Variants in SPAG5 observed in about 807,000 individuals in gnomAD.
SPAG5 encodes the protein sperm-associated antigen 5.
Under a neutral mutation model 145.4 loss-of-function variants are expected in SPAG5, and 99 were observed. The ratio of observed to expected loss-of-function variants is 0.68; its 90% CI spans 0.58 to 0.80. SPAG5 has a LOEUF of 0.80. Ranked by LOEUF, SPAG5 falls within the 30% of genes least tolerant of loss-of-function variation. The pLI, the probability that SPAG5 is intolerant of heterozygous loss-of-function variation, is 0.00. For missense variants in SPAG5, 1,192 were observed against 1,416.0 expected (o/e 0.84, Z 2.54); for synonymous variants, 477 against 525.4 (o/e 0.91, Z 1.26).
At chr17:28,584,045 G>C in intron 13 of SPAG5, 59 bp from the exon 14 acceptor site, 1 of 1,610,332 alleles carries the variant, frequency 6.2e-7, no homozygotes, top group Non-Finnish European at 8.5e-7. Flanking sequence ...CCTGGGTACA[G>C]AGGCTTTTTC....
intron 2 of SPAG5, among the ~76,000 whole-genome samples, chr17:28,596,184 A>G (rs1461050257): frequency 6.6e-6 from 1 of 152,114 alleles, no homozygotes. Flanking sequence ...CAGCCTGGGC[A>G]ACAGAGTGAG....
intron 2 of SPAG5, among the ~76,000 whole-genome samples, chr17:28,595,056 G>A (rs1411257382): frequency 1.3e-5 from 2 of 151,526 alleles, no homozygotes; most frequent in Non-Finnish European, 1.5e-5. Flanking sequence ...TCAGGAGTTC[G>A]AGTGCAGCTG....
At position 28,579,144 on chromosome 17, in the gene SPAG5, G is replaced by A. The variant is rs1211317696; in HGVS notation, c.3114C>T (p.Tyr1038=). 10 of 1,612,668 alleles carry A rather than the reference G, an allele frequency of 6.2e-6. No homozygotes were observed. In the East Asian group the frequency reaches 2.0e-4, roughly 32 times the overall value. Residue 1038 remains tyrosine, a synonymous_variant, in exon 19 of 24, where the codon TAC becomes TAT. Transcript: ENST00000321765. ...CACTTCTAGGTCCCTCCTTCACCTTGTAGCGCAAGCACAAGGCCTGGTTCA... is the reference window on the plus strand; with the variant it reads ...CACTTCTAGGTCCCTCCTTCACCTTATAGCGCAAGCACAAGGCCTGGTTCA... ...EKLNQALCLR[Y]KNEKELQEVI... is the part of the protein sequence containing the mutation.
rs760625781 is a variant in SPAG5, at chr17:28,580,106, G to A, written c.2700C>T (p.Thr900=). ...GAGGACAGGCTGTACTCAGCAGAAG[G>A]GTCTCTTGTTCAGTCTAAGGGCAAA... ...TKLKEKTEQE[T]LLLSTACPPT... is the part of the protein sequence containing the mutation. The change falls in exon 16 of 24, where the codon ACC becomes ACT. Residue 900 remains threonine, a synonymous_variant. Transcript: ENST00000321765. 10 of 1,613,364 alleles carry A rather than the reference G, an allele frequency of 6.2e-6. No individual in the cohort carries two copies. In the South Asian group the frequency reaches 9.9e-5, roughly 16 times the overall value.
Position 28,592,020 on chromosome 17 carries a change from G to T in SPAG5, c.1224C>A (p.Thr408=). 6.2e-7 allele frequency: 1 copy of T among 1,614,180 alleles called. No individual in the cohort carries two copies. Among genetic ancestry groups the T allele is most frequent in the Non-Finnish European group, 8.5e-7 (1 of 1,180,020 alleles). The change falls in exon 3 of 24, where the codon ACC becomes ACA. Residue 408 remains threonine (T), a synonymous_variant. Coordinates refer to ENST00000321765, the MANE Select transcript of SPAG5 (RefSeq NM_006461.4). ...GCTCTGTCTCAGAAGTACTGTGCTT[G>T]GTGCCAACCAGGCCTGTCTGGGATG... ...TNTSQTGLVG[T]KHSTSETEQL... is the part of the protein sequence containing the mutation.
intron 2 of SPAG5, among the ~76,000 whole-genome samples, chr17:28,595,132 C>A (rs886397071): frequency 6.6e-6 from 1 of 151,846 alleles, no homozygotes; most frequent in African/African-American, 2.4e-5. Context: ...GTGGCGGGTG[C>A]CTGTAGTCCC....
At chr17:28,583,675 C>A in intron 14 of SPAG5, 26 bp from the exon 15 acceptor site, 1 of 1,577,090 alleles carries the variant, frequency 6.3e-7, no homozygotes, top group African/African-American at 1.4e-5. Context: ...GGGAAGATGA[C>A]CAAAGACCAA....
chr17:28,578,830 G>A (rs2070527736), intron 19 of SPAG5, 78 bp from the exon 20 acceptor site: 4 of 1,192,486 alleles, frequency 3.4e-6, no homozygotes, highest in East Asian at 2.3e-5. Flanking sequence ...AGGAGAGAGT[G>A]CCTGACCCAT....
chr17:28,583,482 A>G, intron 15 of SPAG5, 29 bp downstream of exon 15: 1 of 1,544,106 alleles, frequency 6.5e-7, no homozygotes, highest in Non-Finnish European at 8.7e-7. Flanking sequence ...TACAATTGGA[A>G]GAGAAGAGAA....
At chr17:28,590,918 T>C (rs2070617217) in intron 4 of SPAG5, among the ~76,000 whole-genome samples, 1 of 149,356 alleles carries the variant, frequency 6.7e-6, no homozygotes, top group Non-Finnish European at 1.5e-5. Context: ...GGATTGCTTG[T>C]AACACAAAGG....
rs1053839637 is a variant in SPAG5, at chr17:28,585,119, T to C, written c.2050A>G (p.Ile684Val). ...QQALQERDVA[I>V]EEKQEVSRVL... The stretch of plus-strand genomic sequence containing the variant: ...GTTTGTACCTCCTGCTTTTCCTCAA[T>C]TGCCACATCACGTTCCTGCAGGGCT... The change falls in exon 10 of 24, where the codon ATT becomes GTT. Residue 684 changes from isoleucine to valine, a missense_variant. This residue lies in a region of SPAG5 where 709 missense variants were observed against 840.7 expected (regional missense o/e 0.84). Transcript: ENST00000321765. 3.1e-6 allele frequency: 5 copies of C among 1,614,172 alleles called. No homozygotes were observed. Among genetic ancestry groups the C allele is most frequent in the African/African-American group, 1.3e-5 (1 of 75,062 alleles).
rs1349954668 is a variant in SPAG5, at chr17:28,583,702, G to A, written c.2547-53C>T. The A allele has an allele frequency of 1.3e-5, 21 of 1,558,370 alleles. 1 individual carries two copies. The highest frequency in any genetic ancestry group is 3.5e-4 in the Middle Eastern group (2 of 5,752). On this transcript the variant is annotated intron_variant, in intron 14 of 23. Coordinates refer to ENST00000321765, the MANE Select transcript of SPAG5 (RefSeq NM_006461.4). ...AAAGACCAAATTACCTTCTCTGAAC[G>A]CCTATCCCAAATCCCCACAGAGCTG...
chr17:28,595,323 T>G (rs750127290), intron 2 of SPAG5, among the ~76,000 whole-genome samples: 37 of 149,278 alleles, frequency 2.5e-4, no homozygotes, highest in Non-Finnish European at 3.9e-4. Flanking sequence ...ATATACAAAA[T>G]AGACACACAT....
Position 28,585,592 on chromosome 17 carries a change from T to C in SPAG5, c.1802A>G (p.Gln601Arg), listed in dbSNP as rs141368516. Reference sequence around the variant, plus strand: ...GAATTCCCGCATGGATGCTAGGTCCTGTTCCAGCTGGCTGATGCGCTGGCT... The same window carrying C: ...GAATTCCCGCATGGATGCTAGGTCCCGTTCCAGCTGGCTGATGCGCTGGCT... ...HASQRISQLE[Q>R]DLASMREFRG... Residue 601 changes from glutamine (Q) to arginine (R), a missense_variant, in exon 8 of 24, where the codon CAG becomes CGG. Gln to Arg is a conservative substitution (Grantham distance 43). Coordinates refer to ENST00000321765, the MANE Select transcript of SPAG5 (RefSeq NM_006461.4). The C allele has an allele frequency of 3.7e-6, 6 of 1,614,060 alleles. No individual in the cohort carries two copies. The highest frequency in any genetic ancestry group is 2.7e-5 in the African/African-American group (2 of 74,940).
intron 17 of SPAG5, 34 bp downstream of exon 17, chr17:28,579,717 G>A (rs2070537492): frequency 6.3e-7 from 1 of 1,597,998 alleles, no homozygotes; most frequent in African/African-American, 1.3e-5. Context: ...AGATTTTCTA[G>A]AAATGAGGCA....
intron 2 of SPAG5, among the ~76,000 whole-genome samples, chr17:28,597,391 C>G (rs983842866): frequency 6.6e-6 from 1 of 152,240 alleles, no homozygotes; most frequent in Non-Finnish European, 1.5e-5. Flanking sequence ...GCACTCCAGC[C>G]TGGGTGACAG....
chr17:28,598,805 C>A, intron 1 of SPAG5, 91 bp downstream of exon 1: 1 of 1,548,970 alleles, frequency 6.5e-7, no homozygotes, highest in African/African-American at 1.4e-5. Flanking sequence ...CAACCCCGGG[C>A]TCGACCCAAC....
At position 28,585,982 on chromosome 17, in the gene SPAG5, GT is replaced by G. The variant is rs1380827948; in HGVS notation, c.1621del (p.Thr541HisfsTer10). ...TVSQESRRAE[T>X]LVCCCFDLLK... The stretch of plus-strand genomic sequence containing the variant: ...CAAATCAAAACAGCAACAGACCAAT[GT>G]TTCTGCACGCCGAGACTATATGGTA... On this transcript the variant is annotated frameshift_variant, in exon 7 of 24. Transcript: ENST00000321765. LOFTEE classifies it high-confidence loss of function. 1.2e-6 allele frequency: 2 copies of G among 1,614,092 alleles called. No individual in the cohort carries two copies. Among genetic ancestry groups the G allele is most frequent in the African/African-American group, 2.7e-5 (2 of 74,932 alleles).
intron 4 of SPAG5, among the ~76,000 whole-genome samples, chr17:28,589,339 T>C (rs1209872098): frequency 2.0e-5 from 3 of 152,070 alleles, no homozygotes; most frequent in Non-Finnish European, 2.9e-5. Flanking sequence ...CCTCAGGTGA[T>C]CCTCCCGCCT....
Sources: gnomAD v4.1 joint callset for allele counts (sites outside exome capture counted in the v4.1 genomes callset) on GRCh38, gnomAD v4.1.1 for gene constraint, gnomAD v4.1.1 regional missense constraint, MANE v1.5 for transcripts, NCBI Gene and HGNC (gene_info 2026-07-23, HGNC 2026-07-21) for gene names.